Variants in PHYHIPL observed in about 807,000 individuals in gnomAD.
PHYHIPL encodes phytanoyl-CoA 2-hydroxylase interacting protein like, also known as phytanoyl-CoA hydroxylase-interacting protein-like.
Under a neutral mutation model 33.4 loss-of-function variants are expected in PHYHIPL, and 9 were observed. The observed-to-expected ratio is 0.27, with a 90% confidence interval of 0.16 to 0.47. The LOEUF (loss-of-function observed/expected upper bound fraction) is 0.47, where lower values mean the gene tolerates loss of function less well. PHYHIPL is among the 20% of genes least tolerant of loss of function. The pLI, the probability that PHYHIPL is intolerant of heterozygous loss-of-function variation, is 0.99. For synonymous variants in PHYHIPL, 153 were observed against 154.1 expected, an observed-to-expected ratio of 0.99 and a Z score of 0.05; for missense variants, 365 against 460.7, an observed-to-expected ratio of 0.79 and a Z score of 1.90.
chr10:59,176,990 A>T, intron 1 of PHYHIPL, 31 bp downstream of exon 1: 1 of 1,597,608 alleles, frequency 6.3e-7, no homozygotes, highest in Non-Finnish European at 8.5e-7. Flanking sequence ...GAGGAAAGGG[A>T]CAGAGTTCGC....
intron 4 of PHYHIPL, among the ~76,000 whole-genome samples, chr10:59,243,268 T>C (rs1840477987): frequency 6.6e-6 from 1 of 152,194 alleles, no homozygotes; most frequent in Non-Finnish European, 1.5e-5. Flanking sequence ...GAACGAGCAC[T>C]GTCAACTGAG....
chr10:59,199,691 T>C (rs557182063), intron 1 of PHYHIPL, among the ~76,000 whole-genome samples: 2 of 152,380 alleles, frequency 1.3e-5, no homozygotes, highest in African/African-American at 4.8e-5. Context: ...TCCATGAGCA[T>C]GGAATGTTCT....
rs757233459 is a variant in PHYHIPL, at chr10:59,245,378, G to A, written c.918G>A (p.Lys306=). ...CKQRLPQLNS[K]DNKFLTCTEE... ...AGCGCCTTCCTCAACTAAATTCTAA[G>A]GATAATAAATTTTTGACCTGTACAG... The change falls in exon 5 of 5, where the codon AAG becomes AAA. Residue 306 remains lysine (K), a synonymous_variant. Transcript: ENST00000373880. 1.9e-6 allele frequency: 3 copies of A among 1,614,130 alleles called. No homozygotes were observed. In the South Asian group the frequency reaches 3.3e-5, roughly 18 times the overall value.
At chr10:59,180,290 A>G in intron 1 of PHYHIPL, among the ~76,000 whole-genome samples, 1 of 138,924 alleles carries the variant, frequency 7.2e-6, no homozygotes, top group Non-Finnish European at 1.5e-5. Flanking sequence ...ACACACACAT[A>G]TATAATATAT....
At chr10:59,218,748 T>A (rs989156949) in intron 1 of PHYHIPL, among the ~76,000 whole-genome samples, 2 of 151,506 alleles carry the variant, frequency 1.3e-5, no homozygotes, top group Non-Finnish European at 3.0e-5. Context: ...AAATATTGAG[T>A]GATCTTGGTC....
chr10:59,207,384 G>A (rs535664905), intron 1 of PHYHIPL, among the ~76,000 whole-genome samples: 32 of 152,266 alleles, frequency 2.1e-4, no homozygotes, highest in South Asian at 1.0e-3. Flanking sequence ...ATGAGGACCA[G>A]TGCACTCCGG....
At chr10:59,220,501 G>A (rs183030022) in intron 1 of PHYHIPL, among the ~76,000 whole-genome samples, 9 of 152,122 alleles carry the variant, frequency 5.9e-5, no homozygotes, top group Non-Finnish European at 1.3e-4. Flanking sequence ...ATGAGGTAAT[G>A]GAAAATACTG....
At chr10:59,179,388 T>G (rs1311658552) in intron 1 of PHYHIPL, among the ~76,000 whole-genome samples, 1 of 152,234 alleles carries the variant, frequency 6.6e-6, no homozygotes, top group African/African-American at 2.4e-5. Context: ...ATTTTGTGTT[T>G]AAGTACCTAA....
At chr10:59,192,546 T>G (rs1382595533) in intron 1 of PHYHIPL, among the ~76,000 whole-genome samples, 1 of 152,116 alleles carries the variant, frequency 6.6e-6, no homozygotes, top group African/African-American at 2.4e-5. Flanking sequence ...GGATATTTGT[T>G]GTTTAGATAC....
chr10:59,234,725 A>C (rs1840173758), intron 2 of PHYHIPL, among the ~76,000 whole-genome samples: 1 of 151,846 alleles, frequency 6.6e-6, no homozygotes, highest in African/African-American at 2.4e-5. Flanking sequence ...AAAAAGGTAA[A>C]ATCATGACTA....
At chr10:59,179,935 C>A (rs1358226987) in intron 1 of PHYHIPL, among the ~76,000 whole-genome samples, 1 of 149,532 alleles carries the variant, frequency 6.7e-6, no homozygotes, top group Non-Finnish European at 1.5e-5. Context: ...TTTGCCAGGA[C>A]CTGGTCCTTG....
intron 2 of PHYHIPL, 97 bp from the exon 3 acceptor site, chr10:59,236,386 C>T (rs1840230835): frequency 1.5e-6 from 1 of 645,866 alleles, no homozygotes; most frequent in South Asian, 4.1e-5. Context: ...TCTCCCTTCC[C>T]TCCTTCCTCC....
At chr10:59,192,599 C>T (rs1490971138) in intron 1 of PHYHIPL, among the ~76,000 whole-genome samples, 1 of 152,018 alleles carries the variant, frequency 6.6e-6, no homozygotes, top group Admixed American at 6.6e-5. Context: ...GGATATTGAA[C>T]TCAAGAGAGT....
At chr10:59,211,863 G>A (rs1839457788) in intron 1 of PHYHIPL, among the ~76,000 whole-genome samples, 1 of 151,952 alleles carries the variant, frequency 6.6e-6, no homozygotes, top group Non-Finnish European at 1.5e-5. Context: ...TCATATTTCT[G>A]ATTTTTACAT....
At chr10:59,235,666 T>G (rs912664598) in intron 2 of PHYHIPL, among the ~76,000 whole-genome samples, 1 of 151,934 alleles carries the variant, frequency 6.6e-6, no homozygotes, top group African/African-American at 2.4e-5. Flanking sequence ...CTTGTTGATA[T>G]AGCTTTGAAA....
intron 1 of PHYHIPL, among the ~76,000 whole-genome samples, chr10:59,207,254 A>G (rs757022441): frequency 2.0e-5 from 3 of 152,242 alleles, no homozygotes; most frequent in Non-Finnish European, 4.4e-5. Context: ...GACTGGTTAG[A>G]CAGTGGGTGC....
Position 59,176,708 on chromosome 10 carries a change from G to A in PHYHIPL, c.-146G>A, listed in dbSNP as rs999089310. ...CTTCGCGGCGGCTCTCCAGCCCCGC[G>A]CCTCAGCCTCGGCGCCGCATCACCG... On this transcript the variant is annotated 5_prime_UTR_variant, in exon 1 of 5. Coordinates refer to ENST00000373880, the MANE Select transcript of PHYHIPL (RefSeq NM_032439.4). 3 of 689,844 alleles carry A rather than the reference G, an allele frequency of 4.3e-6. No individual in the cohort carries two copies. The highest frequency in any genetic ancestry group is 7.1e-6 in the Non-Finnish European group (3 of 424,334). 42.7% of individuals were successfully genotyped at this position (689,844 alleles called of 1,614,324 possible).
At chr10:59,213,238 A>G (rs1294112615) in intron 1 of PHYHIPL, among the ~76,000 whole-genome samples, 1 of 152,126 alleles carries the variant, frequency 6.6e-6, no homozygotes, top group African/African-American at 2.4e-5. Flanking sequence ...CCTCTAATGT[A>G]GAAATCCAAT....
chr10:59,176,842 T>C lies in PHYHIPL; in HGVS notation c.-12T>C. On this transcript the variant is annotated 5_prime_UTR_variant, in exon 1 of 5. Transcript: ENST00000373880. ...GATACGAAGCAGGCGGGCTTCAGAG[T>C]GGGTTGGAAAAATGGAGGTGCCGCG... The C allele has an allele frequency of 6.2e-7, 1 of 1,606,518 alleles. No homozygotes were observed. Among genetic ancestry groups the C allele is most frequent in the Non-Finnish European group, 8.5e-7 (1 of 1,176,556 alleles).
Sources: gnomAD v4.1 joint callset for allele counts (sites outside exome capture counted in the v4.1 genomes callset) on GRCh38, gnomAD v4.1.1 for gene constraint, MANE v1.5 for transcripts, NCBI Gene and HGNC (gene_info 2026-07-23, HGNC 2026-07-21) for gene names.